The following AGBL4 variants were observed in gnomAD, a reference collection of about 807,000 sequenced individuals.
AGBL4 encodes the protein AGBL carboxypeptidase 4, also known as cytosolic carboxypeptidase 6.
In AGBL4, 58 loss-of-function variants were observed where a neutral mutation model predicts 66.4. The observed-to-expected ratio is 0.87, with a 90% CI of 0.71 to 1.09. The LOEUF is 1.09. Ranked by LOEUF, AGBL4 falls within the 50% of genes least tolerant of loss-of-function variation. The pLI is 0.00. For synonymous variants in AGBL4, 234 were observed against 222.9 expected (o/e 1.05, Z -0.44); for missense variants, 579 against 631.0 (o/e 0.92, Z 0.88).
intron 4 of AGBL4, among the ~76,000 whole-genome samples, chr1:49,221,839 A>G (rs1436042887): frequency 6.6e-6 from 1 of 152,150 alleles, no homozygotes; most frequent in Non-Finnish European, 1.5e-5. Context: ...TTTAATTTTT[A>G]GAGACACTGG....
chr1:49,913,073 T>G (rs1486671396), intron 1 of AGBL4, among the ~76,000 whole-genome samples: 3 of 152,200 alleles, frequency 2.0e-5, no homozygotes, highest in African/African-American at 7.2e-5. Context: ...TCATTTCCTT[T>G]GCACATACAA....
intron 3 of AGBL4, among the ~76,000 whole-genome samples, chr1:49,386,521 T>C (rs1302338170): frequency 2.0e-5 from 3 of 151,930 alleles, no homozygotes; most frequent in Non-Finnish European, 4.4e-5. Context: ...TAGAAAGAAA[T>C]AGGCAAAATG....
chr1:49,643,577 A>C (rs559346501), intron 3 of AGBL4, among the ~76,000 whole-genome samples: 61 of 151,786 alleles, frequency 4.0e-4, no homozygotes, highest in Non-Finnish European at 7.4e-4. Context: ...TTCAGAAGTA[A>C]CTACAGAAAA....
intron 3 of AGBL4, among the ~76,000 whole-genome samples, chr1:49,338,883 A>G (rs1038089611): frequency 2.0e-5 from 3 of 152,134 alleles, no homozygotes; most frequent in Admixed American, 6.6e-5. Flanking sequence ...TTTGGCATCT[A>G]TCACAGTGTC....
chr1:49,222,531 T>C (rs1649578926), intron 4 of AGBL4, among the ~76,000 whole-genome samples: 1 of 152,322 alleles, frequency 6.6e-6, no homozygotes, highest in East Asian at 1.9e-4. Context: ...TGGATCTTCA[T>C]ATAGGGAAAT....
intron 3 of AGBL4, among the ~76,000 whole-genome samples, chr1:49,406,065 G>T (rs1458149886): frequency 1.3e-5 from 2 of 152,190 alleles, no homozygotes; most frequent in East Asian, 3.9e-4. Flanking sequence ...TAGCAGCAAT[G>T]TATTCCCTAA....
chr1:49,031,176 C>G (rs1348690305), intron 5 of AGBL4, among the ~76,000 whole-genome samples: 1 of 152,044 alleles, frequency 6.6e-6, no homozygotes. Context: ...CAGCCTTGAC[C>G]TCCCAGGCTC....
intron 6 of AGBL4, among the ~76,000 whole-genome samples, chr1:48,810,171 C>A (rs549584228): frequency 4.4e-4 from 67 of 152,318 alleles, no homozygotes; most frequent in African/African-American, 1.6e-3. Flanking sequence ...GACCTTGAGG[C>A]TGGCTCCTGG....
At chr1:49,231,681 C>A (rs78512531) in intron 4 of AGBL4, among the ~76,000 whole-genome samples, 1,650 of 152,264 alleles carry the variant, frequency 0.011, 19 homozygotes, top group African/African-American at 0.037. Context: ...ACCACATTCA[C>A]CTCACACACA....
chr1:49,148,544 C>T (rs575965906), intron 4 of AGBL4, among the ~76,000 whole-genome samples: 61 of 152,262 alleles, frequency 4.0e-4, no homozygotes, highest in African/African-American at 1.4e-3. Flanking sequence ...CCCTCCCAGA[C>T]TTTGGAGTGT....
rs540208044 is a variant in AGBL4, at chr1:49,372,201, C to T, written c.283-126337G>A. Among the ~76,000 whole-genome samples, 272 of 152,174 alleles carry T rather than the reference C, an allele frequency of 1.8e-3. 8 individuals carry two copies. In the South Asian group the frequency reaches 0.056, roughly 31 times the overall value. ...CATGCAGTATGCATCCCAGAACGCT[C>T]AAGGCTCATGTTAAAAACAAAAACT... On this transcript the variant is annotated intron_variant, in intron 3 of 13. Transcript: ENST00000371839.
rs79288497 is a variant in AGBL4 at position 49,776,433 on chromosome 1, C to A, written c.157+74963G>T. Among the ~76,000 whole-genome samples, 940 of 152,198 alleles carry A rather than the reference C, an allele frequency of 6.2e-3. 12 individuals carry two copies. The highest frequency in any genetic ancestry group is 0.022 in the African/African-American group (906 of 41,554). On this transcript the variant is annotated intron_variant, in intron 2 of 13. Coordinates refer to ENST00000371839, the MANE Select transcript of AGBL4 (RefSeq NM_032785.4). ...AGTGATTTCCTTCTTAAGATAAAAT[C>A]CAAAATAATCCAGAATCTTTAACAC...
chr1:49,527,574 T>G (rs1427821787), intron 3 of AGBL4: 1 of 152,838 alleles, frequency 6.5e-6, no homozygotes, highest in Admixed American at 6.5e-5. Flanking sequence ...CCCAAGCTCT[T>G]AGTTTTCACT....
At chr1:49,333,238 G>T (rs1259188337) in intron 3 of AGBL4, among the ~76,000 whole-genome samples, 1 of 152,130 alleles carries the variant, frequency 6.6e-6, no homozygotes, top group Admixed American at 6.5e-5. Context: ...CCAGTACTTT[G>T]GGAGGCCAAG....
chr1:48,800,832 T>C (rs770564435), intron 6 of AGBL4, among the ~76,000 whole-genome samples: 49 of 152,158 alleles, frequency 3.2e-4, no homozygotes, highest in Non-Finnish European at 2.9e-4. Flanking sequence ...CCAGGATAAG[T>C]ATTCAGGTTT....
Position 49,037,085 on chromosome 1 carries a change from A to G in AGBL4, c.594+8499T>C, listed in dbSNP as rs181948187. ...AAGTATAATAATAAAAAAAGAAAAA[A>G]GAAGATGCTGGTTTTTACAGTTTAG... On this transcript the variant is annotated intron_variant, in intron 5 of 13. Coordinates refer to ENST00000371839, the MANE Select transcript of AGBL4 (RefSeq NM_032785.4). 6.6e-5 allele frequency among the ~76,000 whole-genome samples: 10 copies of G among 152,210 alleles called. No homozygotes were observed. The East Asian group carries it at 1.9e-3, about 29-fold the overall frequency.
At chr1:49,298,646 C>T (rs1289125927) in intron 3 of AGBL4, among the ~76,000 whole-genome samples, 2 of 152,022 alleles carry the variant, frequency 1.3e-5, no homozygotes, top group Admixed American at 6.5e-5. Context: ...CCCTCCCTCC[C>T]TCCTCCTTCT....
chr1:49,713,177 C>T (rs1338087454), intron 2 of AGBL4, among the ~76,000 whole-genome samples: 1 of 151,956 alleles, frequency 6.6e-6, no homozygotes, highest in East Asian at 1.9e-4. Context: ...CTATTTGTCA[C>T]CTATTTCTCT....
chr1:48,892,882 T>C (rs1205920174), intron 5 of AGBL4, among the ~76,000 whole-genome samples: 1 of 152,204 alleles, frequency 6.6e-6, no homozygotes, highest in African/African-American at 2.4e-5. Flanking sequence ...AATGAGTTTC[T>C]GGTTAGACCA....
Sources: gnomAD v4.1 joint callset for allele counts (sites outside exome capture counted in the v4.1 genomes callset) on GRCh38, gnomAD v4.1.1 for gene constraint, MANE v1.5 for transcripts, NCBI Gene and HGNC (gene_info 2026-07-23, HGNC 2026-07-21) for gene names.